Variants in MYO1E observed in about 807,000 individuals in gnomAD.
MYO1E encodes unconventional myosin-Ie.
MYO1E carries 68 observed loss-of-function variants against 151.1 expected under a neutral mutation model. The ratio of observed to expected loss-of-function variants is 0.45; its 90% confidence interval spans 0.37 to 0.55. MYO1E has a LOEUF of 0.55. Ranked by LOEUF, MYO1E falls within the 20% of genes least tolerant of loss-of-function variation. The pLI is 0.00. For missense variants in MYO1E, 1,363 were observed against 1,389.3 expected (o/e 0.98, Z 0.30); for synonymous variants, 601 against 501.7 (o/e 1.20, Z -2.64).
intron 1 of MYO1E, among the ~76,000 whole-genome samples, chr15:59,333,519 G>C (rs1307083759): frequency 1.3e-5 from 2 of 152,150 alleles, no homozygotes; most frequent in East Asian, 1.9e-4. Flanking sequence ...CTAGGCTATA[G>C]GTGAGAGCGA....
intron 7 of MYO1E, among the ~76,000 whole-genome samples, chr15:59,226,032 G>C (rs1216684540): frequency 1.3e-5 from 2 of 152,228 alleles, no homozygotes; most frequent in African/African-American, 4.8e-5. Flanking sequence ...TAAGGGCAGA[G>C]AACTCCTGGG....
At chr15:59,272,152 C>T (rs2080292272) in intron 2 of MYO1E, 154 bp downstream of exon 2, 1 of 773,488 alleles carries the variant, frequency 1.3e-6, no homozygotes, top group African/African-American at 1.7e-5. Flanking sequence ...GATGGGGTCT[C>T]CCTGTGTTGC....
At chr15:59,274,304 C>A (rs185529086) in intron 1 of MYO1E, among the ~76,000 whole-genome samples, 7 of 152,334 alleles carry the variant, frequency 4.6e-5, no homozygotes, top group Admixed American at 4.6e-4. Context: ...TTACCTCAGA[C>A]CTCACCACTC....
chr15:59,248,064 G>T (rs1412088001), intron 4 of MYO1E, among the ~76,000 whole-genome samples: 1 of 133,570 alleles, frequency 7.5e-6, no homozygotes, highest in African/African-American at 2.9e-5. Context: ...GGAAGCACAG[G>T]TTGTGGTGAG....
At chr15:59,290,759 A>T (rs1441694282) in intron 1 of MYO1E, among the ~76,000 whole-genome samples, 1 of 152,220 alleles carries the variant, frequency 6.6e-6, no homozygotes, top group African/African-American at 2.4e-5. Context: ...CACTGGAGGA[A>T]TTTTTAACAT....
chr15:59,177,250 G>A (rs1314364138), intron 19 of MYO1E, among the ~76,000 whole-genome samples: 2 of 150,390 alleles, frequency 1.3e-5, no homozygotes, highest in East Asian at 2.0e-4. Context: ...TACCACAAAC[G>A]TGTCATAAAT....
intron 1 of MYO1E, among the ~76,000 whole-genome samples, chr15:59,280,927 C>T (rs1318208584): frequency 6.6e-6 from 1 of 152,088 alleles, no homozygotes; most frequent in African/African-American, 2.4e-5. Context: ...GGCTGATGAT[C>T]ACCCAGTTTT....
chr15:59,236,065 C>A (rs1351652288), intron 5 of MYO1E, among the ~76,000 whole-genome samples: 3 of 151,986 alleles, frequency 2.0e-5, no homozygotes, highest in Admixed American at 6.6e-5. Context: ...GGCACATCTA[C>A]CTTAAAATAT....
intron 1 of MYO1E, among the ~76,000 whole-genome samples, chr15:59,272,948 C>T (rs1271338403): frequency 6.6e-6 from 1 of 152,220 alleles, no homozygotes; most frequent in Non-Finnish European, 1.5e-5. Context: ...ATATGTATCA[C>T]ACAAAGGCTA....
chr15:59,305,419 T>C (rs1437456395), intron 1 of MYO1E, among the ~76,000 whole-genome samples: 1 of 152,148 alleles, frequency 6.6e-6, no homozygotes, highest in East Asian at 1.9e-4. Flanking sequence ...GGTCTCGAAC[T>C]CCTGAGCTCA....
intron 16 of MYO1E, among the ~76,000 whole-genome samples, chr15:59,199,782 G>A (rs1438407069): frequency 3.3e-5 from 5 of 152,058 alleles, no homozygotes; most frequent in South Asian, 2.1e-4. Flanking sequence ...CCTTTTAAAC[G>A]CTTACGCCTC....
intron 22 of MYO1E, among the ~76,000 whole-genome samples, chr15:59,166,693 T>G (rs1325864570): frequency 3.3e-5 from 5 of 151,836 alleles, no homozygotes; most frequent in African/African-American, 9.7e-5. Flanking sequence ...AAGAAGAAAA[T>G]AAACCTTGCC....
chr15:59,298,023 T>C (rs35769094), intron 1 of MYO1E, among the ~76,000 whole-genome samples: 73,152 of 152,064 alleles, frequency 0.48, 20,513 homozygotes, highest in Middle Eastern at 0.67. Context: ...TGTGTCCTTC[T>C]GAGGGCATGA....
At chr15:59,281,966 A>C (rs1456251640) in intron 1 of MYO1E, among the ~76,000 whole-genome samples, 3 of 152,008 alleles carry the variant, frequency 2.0e-5, no homozygotes, top group Non-Finnish European at 4.4e-5. Context: ...CTGTTCAAAA[A>C]AAAAAAAGGA....
At chr15:59,215,053 T>A (rs2140343266) in intron 10 of MYO1E, among the ~76,000 whole-genome samples, 1 of 152,296 alleles carries the variant, frequency 6.6e-6, no homozygotes, top group Non-Finnish European at 1.5e-5. Context: ...AAGTAAAACC[T>A]ATTTCACACA....
At chr15:59,339,935 C>T (rs1230905850) in intron 1 of MYO1E, among the ~76,000 whole-genome samples, 1 of 151,612 alleles carries the variant, frequency 6.6e-6, no homozygotes, top group East Asian at 1.9e-4. Flanking sequence ...GCAACCTCTG[C>T]CTTCTGGGTT....
At chr15:59,290,394 T>C (rs956889767) in intron 1 of MYO1E, among the ~76,000 whole-genome samples, 5 of 152,194 alleles carry the variant, frequency 3.3e-5, no homozygotes, top group African/African-American at 1.2e-4. Flanking sequence ...GAGGGACATT[T>C]TGGGTACCTT....
At chr15:59,269,298 G>GA (rs2080275730) in intron 2 of MYO1E, among the ~76,000 whole-genome samples, 1 of 152,082 alleles carries the variant, frequency 6.6e-6, no homozygotes, top group Admixed American at 6.6e-5. Context: ...TACAGGTACG[G>GA]AAAGCAAGGC....
intron 17 of MYO1E, among the ~76,000 whole-genome samples, chr15:59,192,695 G>C (rs910641300): frequency 6.6e-6 from 1 of 152,216 alleles, no homozygotes; most frequent in Admixed American, 6.5e-5. Context: ...GTTTGAAATG[G>C]GGGAAGGTGG....
Sources: gnomAD v4.1 joint callset for allele counts (sites outside exome capture counted in the v4.1 genomes callset) on GRCh38, gnomAD v4.1.1 for gene constraint, MANE v1.5 for transcripts, NCBI Gene and HGNC (gene_info 2026-07-23, HGNC 2026-07-21) for gene names.